PRKN: variants seen among roughly 807,000 people sequenced by gnomAD.
PRKN encodes E3 ubiquitin-protein ligase parkin.
In PRKN, 56 loss-of-function variants were observed where a neutral mutation model predicts 59.5. The observed-to-expected ratio is 0.94, with a 90% confidence interval of 0.76 to 1.18. The LOEUF is 1.18. Among genes scored for constraint, PRKN ranks in the 50% most tolerant of loss-of-function variants. The pLI, the probability that PRKN is intolerant of heterozygous loss-of-function variation, is 0.00. For missense variants in PRKN, 657 were observed against 596.4 expected (o/e 1.10, Z -1.06); for synonymous variants, 250 against 222.1 (o/e 1.13, Z -1.12).
At chr6:162,126,843 G>C (rs939053558) in intron 4 of PRKN, among the ~76,000 whole-genome samples, 1 of 152,026 alleles carries the variant, frequency 6.6e-6, no homozygotes, top group Non-Finnish European at 1.5e-5. Context: ...CTTTTCCCTA[G>C]GAAGTATGAG....
At chr6:161,436,437 T>C (rs1367379706) in intron 9 of PRKN, among the ~76,000 whole-genome samples, 1 of 136,984 alleles carries the variant, frequency 7.3e-6, no homozygotes, top group Non-Finnish European at 1.6e-5. Context: ...TTTTGGCCAC[T>C]CTCTGCAAAC....
intron 1 of PRKN, among the ~76,000 whole-genome samples, chr6:162,606,483 A>G (rs529290819): frequency 6.6e-6 from 1 of 152,326 alleles, no homozygotes; most frequent in South Asian, 2.1e-4. Context: ...CTGAAAGTGT[A>G]TTGCTTTCAC....
At chr6:162,213,419 C>A (rs1452399309) in intron 3 of PRKN, among the ~76,000 whole-genome samples, 1 of 151,320 alleles carries the variant, frequency 6.6e-6, no homozygotes, top group African/African-American at 2.5e-5. Context: ...TGGGAAGGAG[C>A]CTAGCATGCT....
chr6:161,902,515 T>C (rs1320377257), intron 6 of PRKN, among the ~76,000 whole-genome samples: 3 of 150,870 alleles, frequency 2.0e-5, no homozygotes, highest in Non-Finnish European at 4.4e-5. Context: ...GTAAATGTAA[T>C]AGACATCCGT....
rs754264601 is a variant in PRKN at position 161,557,774 on chromosome 6, G to GCTTGC, written c.934-8776_934-8772dup. On this transcript the variant is annotated intron_variant, in intron 8 of 11. Coordinates refer to ENST00000366898, the MANE Select transcript of PRKN (RefSeq NM_004562.3). ...ACATGTTCTGTCAAAATGAGTCAAT[G>GCTTGC]CTTGCCAGCCATCCAGGAGCTATGT... Among the ~76,000 whole-genome samples the GCTTGC allele has an allele frequency of 2.0e-5, 3 of 152,322 alleles. No individual in the cohort carries two copies. In the South Asian group the frequency reaches 6.2e-4, roughly 32 times the overall value.
At chr6:162,296,398 T>C (rs1364918791) in intron 2 of PRKN, among the ~76,000 whole-genome samples, 2 of 152,036 alleles carry the variant, frequency 1.3e-5, no homozygotes, top group Middle Eastern at 6.3e-3. Context: ...TATGTGAGTC[T>C]GATACTCATA....
intron 1 of PRKN, among the ~76,000 whole-genome samples, chr6:162,681,805 C>T (rs1779779469): frequency 6.6e-6 from 1 of 151,942 alleles, no homozygotes; most frequent in African/African-American, 2.4e-5. Context: ...GTATTTGGAC[C>T]CAAGAATATT....
chr6:161,442,264 A>G lies in PRKN; in HGVS notation c.1084-55387T>C, dbSNP rs1359261506. The stretch of plus-strand genomic sequence containing the variant: ...GAATTATTTCTCCACTTCAAAAGTC[A>G]GTACAGAGCCATTGAAGGGGCTTTC... On this transcript the variant is annotated intron_variant, in intron 9 of 11. Transcript: ENST00000366898. The surrounding 1 kb of genome is among the most constrained non-coding windows in gnomAD (Gnocchi z 4.6). Among the ~76,000 whole-genome samples the G allele has an allele frequency of 6.6e-6, 1 of 152,208 alleles. No individual in the cohort carries two copies. Among genetic ancestry groups the G allele is most frequent in the Non-Finnish European group, 1.5e-5 (1 of 68,036 alleles).
At chr6:161,717,898 T>G (rs1787053964) in intron 7 of PRKN, among the ~76,000 whole-genome samples, 1 of 152,122 alleles carries the variant, frequency 6.6e-6, no homozygotes, top group Admixed American at 6.6e-5. Flanking sequence ...GAGTGGAGCC[T>G]GCTCAGGTCC....
chr6:161,923,123 T>G (rs1778844023), intron 6 of PRKN, among the ~76,000 whole-genome samples: 1 of 152,212 alleles, frequency 6.6e-6, no homozygotes. Flanking sequence ...AGTGTACATT[T>G]CCTCAGGTCA....
At chr6:162,485,844 T>C (rs1792513023) in intron 1 of PRKN, among the ~76,000 whole-genome samples, 1 of 152,210 alleles carries the variant, frequency 6.6e-6, no homozygotes, top group Non-Finnish European at 1.5e-5. Context: ...TCTCACCCAC[T>C]GCATCTTCAG....
chr6:162,387,958 T>C lies in PRKN; in HGVS notation c.171+55352A>G, dbSNP rs113439696. Among the ~76,000 whole-genome samples, 6 of 152,228 alleles carry C rather than the reference T, an allele frequency of 3.9e-5. 1 individual carries two copies. The highest frequency in any genetic ancestry group is 1.4e-4 in the African/African-American group (6 of 41,546). On this transcript the variant is annotated intron_variant, in intron 2 of 11. Coordinates refer to ENST00000366898, the MANE Select transcript of PRKN (RefSeq NM_004562.3). The stretch of plus-strand genomic sequence containing the variant: ...CTCTGAGTGCTGGGGAACACAACAG[T>C]GAACGTGACAGACAAGGTCCTTGTA...
intron 2 of PRKN, among the ~76,000 whole-genome samples, chr6:162,389,019 AAAAAAC>A (rs1787019409): frequency 6.7e-6 from 1 of 149,828 alleles, no homozygotes; most frequent in African/African-American, 2.5e-5. Flanking sequence ...AAAAAAAAAA[AAAAAAC>A]AAAAAAACCT....
chr6:161,436,271 G>C (rs1788897293), intron 9 of PRKN, among the ~76,000 whole-genome samples: 1 of 132,048 alleles, frequency 7.6e-6, no homozygotes, highest in Admixed American at 7.2e-5. Context: ...AGAGAGCAGG[G>C]GAGTGGAATG....
intron 7 of PRKN, among the ~76,000 whole-genome samples, chr6:161,573,755 AATATATATATATATATATATATATAT>A (rs1225362601): frequency 1.7e-3 from 51 of 30,354 alleles, no homozygotes; most frequent in East Asian, 0.011. Flanking sequence ...AAAAAAAAAA[AATATATATATATATATATATATATAT>A]ATATATATAT....
chr6:162,427,449 T>A (rs747672457), intron 2 of PRKN, among the ~76,000 whole-genome samples: 4 of 152,200 alleles, frequency 2.6e-5, no homozygotes, highest in Non-Finnish European at 5.9e-5. Context: ...TCCATTGTGA[T>A]GTCACACATG....
At chr6:161,767,939 T>G (rs1446934007) in intron 7 of PRKN, among the ~76,000 whole-genome samples, 1 of 152,112 alleles carries the variant, frequency 6.6e-6, no homozygotes, top group Non-Finnish European at 1.5e-5. Context: ...TTCCTGAAAA[T>G]GAAATGTGTA....
intron 1 of PRKN, among the ~76,000 whole-genome samples, chr6:162,619,794 AC>A (rs1262432406): frequency 6.6e-6 from 1 of 151,978 alleles, no homozygotes; most frequent in Non-Finnish European, 1.5e-5. Flanking sequence ...TTCTATTCTT[AC>A]TGTTCTGCTG....
intron 6 of PRKN, among the ~76,000 whole-genome samples, chr6:161,786,371 G>T (rs561242461): frequency 6.6e-6 from 1 of 152,144 alleles, no homozygotes; most frequent in Admixed American, 6.5e-5. Flanking sequence ...ACCAGGCATT[G>T]TAAAGTTTTA....
Sources: gnomAD v4.1 joint callset for allele counts (sites outside exome capture counted in the v4.1 genomes callset) on GRCh38, gnomAD v4.1.1 for gene constraint, Gnocchi (gnomAD v3.1) non-coding constraint, MANE v1.5 for transcripts, NCBI Gene and HGNC (gene_info 2026-07-23, HGNC 2026-07-21) for gene names.